ASTN2: variants seen among roughly 807,000 people sequenced by gnomAD.
ASTN2 encodes astrotactin 2, also known as astrotactin-2.
A neutral mutation model predicts 139.8 loss-of-function variants in ASTN2; 54 were observed. That is an observed-to-expected ratio of 0.39 (90% CI 0.31 to 0.48). The LOEUF is 0.48. ASTN2 is among the 20% of genes least tolerant of loss of function. The pLI is 0.95. For synonymous variants in ASTN2, 756 were observed against 719.5 expected (o/e 1.05, Z -0.81); for missense variants, 1,565 against 1,725.1 (o/e 0.91, Z 1.64).
Position 117,016,616 on chromosome 9 carries a change from CTATCTATCTATATA to C in ASTN2, c.1424-8371_1424-8358del, listed in dbSNP as rs57332068. 4.4e-3 allele frequency among the ~76,000 whole-genome samples: 188 copies of C among 42,458 alleles called. 15 individuals carry two copies. The highest frequency in any genetic ancestry group is 5.8e-3 in the African/African-American group (30 of 5,148). 27.9% of individuals were successfully genotyped at this position (42,458 alleles called of 152,430 possible). ...TTTATATATATATCTATATCTATATCTATCTATCTATATATATATATATATATATATATATATAT... is the reference window on the plus strand; with the variant it reads ...TTTATATATATATCTATATCTATATCTATATATATATATATATATATATAT... On this transcript the variant is annotated intron_variant, in intron 6 of 22. Transcript: ENST00000313400.
At chr9:116,684,127 T>G (rs1433595971) in intron 16 of ASTN2, among the ~76,000 whole-genome samples, 4 of 152,208 alleles carry the variant, frequency 2.6e-5, no homozygotes, top group Admixed American at 1.3e-4. Context: ...TCATAGGTAT[T>G]TGAGGATACA....
At chr9:116,781,342 A>G (rs1224590489) in intron 13 of ASTN2, among the ~76,000 whole-genome samples, 2 of 152,218 alleles carry the variant, frequency 1.3e-5, no homozygotes, top group African/African-American at 2.4e-5. Context: ...TAAATTCAGA[A>G]ACAGGGAAAA....
At chr9:116,502,557 A>G (rs1849903955) in intron 19 of ASTN2, among the ~76,000 whole-genome samples, 1 of 151,784 alleles carries the variant, frequency 6.6e-6, no homozygotes, top group African/African-American at 2.4e-5. Flanking sequence ...AGAGACCTAG[A>G]AAGACAGATA....
intron 17 of ASTN2, among the ~76,000 whole-genome samples, chr9:116,643,198 A>T (rs1393063634): frequency 1.3e-5 from 2 of 152,158 alleles, no homozygotes; most frequent in Non-Finnish European, 2.9e-5. Context: ...CATAGTTGGC[A>T]CTCGATAATT....
At chr9:117,063,436 G>T (rs1397368728) in intron 5 of ASTN2, among the ~76,000 whole-genome samples, 1 of 152,148 alleles carries the variant, frequency 6.6e-6, no homozygotes, top group East Asian at 1.9e-4. Context: ...GAGATCTGAT[G>T]GTTTGATAAG....
intron 5 of ASTN2, among the ~76,000 whole-genome samples, chr9:117,057,475 TAAC>T (rs752900984): frequency 2.2e-4 from 33 of 152,336 alleles, no homozygotes; most frequent in Non-Finnish European, 3.7e-4. Context: ...GCAATAATAG[TAAC>T]AACATTAGCA....
chr9:117,190,189 G>A (rs1175385811), intron 3 of ASTN2, among the ~76,000 whole-genome samples: 1 of 152,190 alleles, frequency 6.6e-6, no homozygotes, highest in Non-Finnish European at 1.5e-5. Context: ...ACAAGAATGG[G>A]CCTAAGGTTT....
chr9:116,933,979 C>CTTTTTTTTTTTTTTTTTTTTTTTTTTTT lies in ASTN2; in HGVS notation c.1889+41228_1889+41229insAAAAAAAAAAAAAAAAAAAAAAAAAAAA, dbSNP rs148724828. 5.0e-3 allele frequency among the ~76,000 whole-genome samples: 436 copies of CTTTTTTTTTTTTTTTTTTTTTTTTTTTT among 86,820 alleles called. 74 individuals carry two copies. The highest frequency in any genetic ancestry group is 0.011 in the East Asian group (19 of 1,668). 57.0% of individuals were successfully genotyped at this position (86,820 alleles called of 152,430 possible). ...ACCTCAGTTGTGCGAAGTGTTAGTC[C>CTTTTTTTTTTTTTTTTTTTTTTTTTTTT]TTTTTTTTTTTTTTTTTTTTTTTCT... On this transcript the variant is annotated intron_variant, in intron 10 of 22. Transcript: ENST00000313400.
intron 22 of ASTN2, among the ~76,000 whole-genome samples, chr9:116,433,163 A>C (rs909196975): frequency 6.6e-6 from 1 of 152,240 alleles, no homozygotes; most frequent in Non-Finnish European, 1.5e-5. Flanking sequence ...ATAACAAAGA[A>C]ACTGTAAGAA....
At chr9:117,229,394 A>G (rs1464128380) in intron 2 of ASTN2, among the ~76,000 whole-genome samples, 1 of 152,088 alleles carries the variant, frequency 6.6e-6, no homozygotes, top group African/African-American at 2.4e-5. Flanking sequence ...GCCTTCCAAG[A>G]CCCACCCTCA....
chr9:116,694,696 C>T (rs559441617), intron 16 of ASTN2, among the ~76,000 whole-genome samples: 1 of 148,806 alleles, frequency 6.7e-6, no homozygotes, highest in South Asian at 2.1e-4. Context: ...TGGTCTCGAT[C>T]TCCTGACCTC....
chr9:116,942,355 T>C (rs954293120), intron 10 of ASTN2, among the ~76,000 whole-genome samples: 1 of 152,136 alleles, frequency 6.6e-6, no homozygotes, highest in East Asian at 1.9e-4. Context: ...CTGATCTATC[T>C]CTCTTCTCTG....
rs139912554 is a variant in ASTN2, at chr9:117,154,063, C to G, written c.1016-12585G>C. ...CATCTTCTTTGAAACTAAGGCAAATCTTCCCAGTGCAATAGGGTGGTTATA... is the reference window on the plus strand; with the variant it reads ...CATCTTCTTTGAAACTAAGGCAAATGTTCCCAGTGCAATAGGGTGGTTATA... On this transcript the variant is annotated intron_variant, in intron 3 of 22. Coordinates refer to ENST00000313400, the MANE Select transcript of ASTN2 (RefSeq NM_001365068.1). Among the ~76,000 whole-genome samples, 442 of 152,168 alleles carry G rather than the reference C, an allele frequency of 2.9e-3. 2 individuals are homozygous for G. In the Middle Eastern group the frequency reaches 0.031, roughly 11 times the overall value.
chr9:116,657,412 T>C (rs1858283921), intron 16 of ASTN2, among the ~76,000 whole-genome samples: 1 of 152,184 alleles, frequency 6.6e-6, no homozygotes, highest in Non-Finnish European at 1.5e-5. Context: ...GACATTAAAA[T>C]TGAAATTTCT....
Position 116,863,631 on chromosome 9 carries a change from G to A in ASTN2, c.1992C>T (p.Arg664=), listed in dbSNP as rs370737651. The A allele has an allele frequency of 5.6e-6, 9 of 1,614,060 alleles. No individual in the cohort carries two copies. Among genetic ancestry groups the A allele is most frequent in the Non-Finnish European group, 6.8e-6 (8 of 1,180,040 alleles). The change falls in exon 11 of 23, where the codon CGC becomes CGT. Residue 664 remains arginine (R), a synonymous_variant. Transcript: ENST00000313400. Reference sequence around the variant, plus strand: ...GCCGGTCAGACACACACTTGAAGTTGCGAGTGCAGCCCCCATTGTTCCGAG... The same window carrying A: ...GCCGGTCAGACACACACTTGAAGTTACGAGTGCAGCCCCCATTGTTCCGAG... The part of the protein sequence containing the change: ...DCSRNNGGCT[R]NFKCVSDRQV...
rs1828200792 is a variant in ASTN2 at position 117,317,976 on chromosome 9, T to A, written c.443-26463A>T. Among the ~76,000 whole-genome samples the A allele has an allele frequency of 2.0e-5, 3 of 152,196 alleles. No homozygotes were observed. In the South Asian group the frequency reaches 6.2e-4, roughly 32 times the overall value. The stretch of plus-strand genomic sequence containing the variant: ...AGGAGCTGGGAACTCAGCAAGGGTA[T>A]CAGATCCAAGAGATCCAAGGGTATC... On this transcript the variant is annotated intron_variant, in intron 1 of 22. Transcript: ENST00000313400.
chr9:117,233,245 C>T (rs137984878), intron 2 of ASTN2, among the ~76,000 whole-genome samples: 235 of 152,260 alleles, frequency 1.5e-3, no homozygotes, highest in African/African-American at 5.2e-3. Flanking sequence ...ATGTGTTCCT[C>T]GCTCCAAAGC....
intron 3 of ASTN2, among the ~76,000 whole-genome samples, chr9:117,202,439 G>A (rs893011944): frequency 5.9e-5 from 9 of 152,134 alleles, no homozygotes; most frequent in South Asian, 2.1e-4. Context: ...TATTGTCATC[G>A]GTCTTCATAT....
chr9:116,585,044 C>A (rs1854092048), intron 19 of ASTN2: 1 of 152,164 alleles, frequency 6.6e-6, no homozygotes, highest in Non-Finnish European at 1.5e-5. Context: ...GTGGAAGAAG[C>A]AACACTTGAG....
Sources: allele counts gnomAD v4.1 joint callset (sites outside exome capture counted in the v4.1 genomes callset), GRCh38; gene constraint gnomAD v4.1.1; transcripts MANE v1.5; gene names NCBI Gene and HGNC (gene_info 2026-07-23, HGNC 2026-07-21).